Variants in CR1L observed in about 807,000 individuals in gnomAD.
The protein encoded by CR1L is complement component receptor 1-like protein.
Under a neutral mutation model 62.3 loss-of-function variants are expected in CR1L, and 59 were observed. The ratio of observed to expected loss-of-function variants is 0.95; its 90% confidence interval spans 0.77 to 1.18. The LOEUF (loss-of-function observed/expected upper bound fraction) is 1.18, where lower values mean the gene tolerates loss of function less well. Among genes scored for constraint, CR1L ranks in the 50% most tolerant of loss-of-function variants. The pLI is 0.00. For synonymous variants in CR1L, 279 were observed against 248.7 expected, an observed-to-expected ratio of 1.12 and a Z score of -1.15; for missense variants, 700 against 702.8, an observed-to-expected ratio of 1.00 and a Z score of 0.04.
At chr1:207,682,006 G>T (rs765919662) in intron 3 of CR1L, among the ~76,000 whole-genome samples, 26 of 152,098 alleles carry the variant, frequency 1.7e-4, no homozygotes, top group Non-Finnish European at 3.2e-4. Context: ...GTGGGTGGGG[G>T]GCTAGGGGCG....
rs560317213 is a variant in CR1L at position 207,667,177 on chromosome 1, G to A, written c.98-10212G>A. On this transcript the variant is annotated intron_variant, in intron 1 of 11. Transcript: ENST00000508064. ...ACTTTCGCTGCTTAACCTTGATGGC[G>A]CTATCCCTTCCCCACCCAATGGTTT... Among the ~76,000 whole-genome samples the A allele has an allele frequency of 1.9e-4, 29 of 152,266 alleles. No homozygotes were observed. The East Asian group carries it at 3.5e-3, about 18-fold the overall frequency.
rs1405103739 is a variant in CR1L at position 207,678,997 on chromosome 1, T to C, written c.377+700T>C. ...CTGTGCATGTCTGTGTCCAAAGTTC[T>C]TTTTTTTTTTTTTTTTTGAGATGGA... On this transcript the variant is annotated intron_variant, in intron 3 of 11. Coordinates refer to ENST00000508064, the MANE Select transcript of CR1L (RefSeq NM_175710.2). Among the ~76,000 whole-genome samples the C allele has an allele frequency of 8.2e-5, 3 of 36,674 alleles. No homozygotes were observed. The East Asian group carries it at 6.7e-3, about 81-fold the overall frequency. The allele number at this position is 36,674 out of a possible 152,430, so 24.1% of individuals were successfully genotyped here.
chr1:207,669,549 G>T, intron 1 of CR1L: 1 of 1,564,702 alleles, frequency 6.4e-7, no homozygotes, highest in South Asian at 1.1e-5. Flanking sequence ...TGCTGCTCGC[G>T]CTGCCGGTGG....
At chr1:207,665,179 G>A (rs371952439) in intron 1 of CR1L, among the ~76,000 whole-genome samples, 5 of 151,846 alleles carry the variant, frequency 3.3e-5, no homozygotes, top group East Asian at 3.9e-4. Context: ...TCAGCCTCCC[G>A]AGTAGCTGGG....
rs753794443 is a variant in CR1L, at chr1:207,694,713, T to C, written c.824T>C (p.Leu275Pro). ...KGPSHVKCQA[L>P]NKWEPELPSC... ...CCCTCCCATGTGAAGTGCCAGGCCC[T>C]GAACAAATGGGAGCCAGAGTTACCA... Residue 275 changes from leucine (L) to proline (P), a missense_variant, in exon 5 of 12, where the codon CTG becomes CCG. By Grantham distance (98) the Leu-to-Pro change is moderately conservative. Transcript: ENST00000508064. 2 of 1,611,894 alleles carry C rather than the reference T, an allele frequency of 1.2e-6. No individual in the cohort carries two copies. The highest frequency in any genetic ancestry group is 1.7e-6 in the Non-Finnish European group (2 of 1,179,714).
At chr1:207,684,657 G>A (rs1663867653) in intron 4 of CR1L, among the ~76,000 whole-genome samples, 1 of 152,042 alleles carries the variant, frequency 6.6e-6, no homozygotes, top group African/African-American at 2.4e-5. Context: ...ACACTGGCAT[G>A]GTATTCAGCC....
chr1:207,682,990 T>TTCTTTCTTTC (rs1449527510), intron 3 of CR1L, among the ~76,000 whole-genome samples: 39 of 138,038 alleles, frequency 2.8e-4, no homozygotes, highest in Middle Eastern at 7.5e-3. Context: ...CTTTCTTTCT[T>TTCTTTCTTTC]TTTTTCTTTC....
chr1:207,645,380 C>A (rs756894667), intron 1 of CR1L, 50 bp downstream of exon 1: 1 of 1,591,252 alleles, frequency 6.3e-7, no homozygotes, highest in Non-Finnish European at 8.6e-7. Flanking sequence ...TAGAGCTCTG[C>A]TCAGTCAGTC....
At position 207,645,268 on chromosome 1, in the gene CR1L, C is replaced by T. The variant is rs759445021; in HGVS notation, c.35C>T (p.Pro12Leu). 1 of 1,613,796 alleles carries T rather than the reference C, an allele frequency of 6.2e-7. No homozygotes were observed. The highest frequency in any genetic ancestry group is 2.2e-5 in the East Asian group (1 of 44,866). Residue 12 changes from proline (P) to leucine (L), a missense_variant, in exon 1 of 12, where the codon CCT (proline) becomes CTT (leucine). By Grantham distance (98) the Pro-to-Leu change is moderately conservative. Coordinates refer to ENST00000508064, the MANE Select transcript of CR1L (RefSeq NM_175710.2). ...CCCGTCCGTCTCGAGCGTCCCTTTCCTTCCCGGCGCTTTCCTGGGTTGCTT... is the reference window on the plus strand; with the variant it reads ...CCCGTCCGTCTCGAGCGTCCCTTTCTTTCCCGGCGCTTTCCTGGGTTGCTT... Reference protein sequence around the residue: ...APPVRLERPFPSRRFPGLLLA... With the variant: ...APPVRLERPFLSRRFPGLLLA...
At chr1:207,701,405 G>A in intron 8 of CR1L, 114 bp from the exon 9 acceptor site, 1 of 1,367,570 alleles carries the variant, frequency 7.3e-7, no homozygotes, top group Non-Finnish European at 1.0e-6. Flanking sequence ...CAAAATCTGT[G>A]GAACTATCAG....
At position 207,688,527 on chromosome 1, in the gene CR1L, A is replaced by G. The variant is rs138210967; in HGVS notation, c.463+4570A>G. Among the ~76,000 whole-genome samples, 1,311 of 152,342 alleles carry G rather than the reference A, an allele frequency of 8.6e-3. 19 individuals are homozygous for G. The highest frequency in any genetic ancestry group is 0.024 in the African/African-American group (1,016 of 41,582). On this transcript the variant is annotated intron_variant, in intron 4 of 11. Coordinates refer to ENST00000508064, the MANE Select transcript of CR1L (RefSeq NM_175710.2). The stretch of plus-strand genomic sequence containing the variant: ...ATCTGGTGGCATATATCTTCTAACT[A>G]TGTGCATCTTCAAGATTTACTTGGT...
chr1:207,713,870 A>AGGCCTGCATCTCCAAGGCTGACTT (rs1270616344), intron 10 of CR1L, among the ~76,000 whole-genome samples: 7 of 152,274 alleles, frequency 4.6e-5, no homozygotes, highest in East Asian at 1.9e-4. Flanking sequence ...CGCCCCGCTC[A>AGGCCTGCATCTCCAAGGCTGACTT]GGCCTGCATC....
intron 1 of CR1L, among the ~76,000 whole-genome samples, chr1:207,660,449 G>T (rs546300082): frequency 2.0e-5 from 3 of 152,342 alleles, no homozygotes; most frequent in African/African-American, 7.2e-5. Flanking sequence ...CTGTCTGTTA[G>T]AAGGAAAACA....
At chr1:207,692,716 T>TTC (rs146257550) in intron 4 of CR1L, among the ~76,000 whole-genome samples, 5 of 149,804 alleles carry the variant, frequency 3.3e-5, no homozygotes, top group Admixed American at 1.3e-4. Context: ...ATGGATCCCC[T>TTC]TCTCTCTCTC....
intron 1 of CR1L, chr1:207,653,001 C>T (rs769902206): frequency 1.7e-5 from 4 of 228,672 alleles, no homozygotes; most frequent in Non-Finnish European, 3.4e-5. Flanking sequence ...CATTCAAAAC[C>T]GCAATGCAGA....
Position 207,677,501 on chromosome 1 carries a change from C to T in CR1L, c.210C>T (p.Ser70=), listed in dbSNP as rs184089830. 3.5e-4 allele frequency: 569 copies of T among 1,613,798 alleles called. 1 individual carries two copies. In the African/African-American group the frequency reaches 6.3e-3, roughly 18 times the overall value. Residue 70 remains serine, a synonymous_variant, in exon 2 of 12, where the codon TCC becomes TCT. Coordinates refer to ENST00000508064, the MANE Select transcript of CR1L (RefSeq NM_175710.2). ...ACTATGAATGCCGCCCTGGTTATTC[C>T]GGAAGACCGTTTTCTATCATCTGCC... The part of the protein sequence containing the change: ...YLNYECRPGY[S]GRPFSIICLK...
At chr1:207,676,743 C>T (rs1326828671) in intron 1 of CR1L, among the ~76,000 whole-genome samples, 1 of 152,136 alleles carries the variant, frequency 6.6e-6, no homozygotes, top group Non-Finnish European at 1.5e-5. Context: ...CAACCTCTGC[C>T]TCCTGGGTTC....
chr1:207,708,371 A>T (rs1379084278), intron 10 of CR1L, 108 bp downstream of exon 10: 1 of 1,391,246 alleles, frequency 7.2e-7, no homozygotes, highest in African/African-American at 1.4e-5. Flanking sequence ...TATCCTTCTG[A>T]TATTTGAAGA....
chr1:207,661,599 T>A lies in CR1L; in HGVS notation c.98-15790T>A, dbSNP rs573064551. On this transcript the variant is annotated intron_variant, in intron 1 of 11. Transcript: ENST00000508064. Reference sequence around the variant, plus strand: ...ACTGATGGGTCTTGACTCTTTATCCTATTTGCCAGTCTGTGTCTTTTAATT... The same window carrying A: ...ACTGATGGGTCTTGACTCTTTATCCAATTTGCCAGTCTGTGTCTTTTAATT... Among the ~76,000 whole-genome samples the A allele has an allele frequency of 7.3e-3, 1,115 of 152,246 alleles. 19 individuals are homozygous for A. The highest frequency in any genetic ancestry group is 0.024 in the African/African-American group (978 of 41,518).
Sources: allele counts gnomAD v4.1 joint callset (sites outside exome capture counted in the v4.1 genomes callset), GRCh38; gene constraint gnomAD v4.1.1; transcripts MANE v1.5; gene names NCBI Gene and HGNC (gene_info 2026-07-23, HGNC 2026-07-21).